ANKRD45: variants seen among roughly 807,000 people sequenced by gnomAD.
ANKRD45 encodes ankyrin repeat domain 45.
A neutral mutation model predicts 28.1 loss-of-function variants in ANKRD45; 21 were observed. The observed-to-expected ratio is 0.75, with a 90% CI of 0.53 to 1.08. The LOEUF is 1.08. Among genes scored for constraint, ANKRD45 ranks in the 50% least tolerant of loss-of-function variants. The probability of loss-of-function intolerance (pLI) is 0.00; values close to 1 mark genes in which losing one functional copy is unlikely to be tolerated. For missense variants in ANKRD45, 261 were observed against 308.7 expected, an observed-to-expected ratio of 0.85 and a Z score of 1.16; for synonymous variants, 86 against 103.9, an observed-to-expected ratio of 0.83 and a Z score of 1.05.
At chr1:173,706,867 C>A in the ANKRD45 span, among the ~76,000 whole-genome samples, 2 of 152,050 alleles carry the variant, frequency 1.3e-5, no homozygotes, top group African/African-American at 2.4e-5. Context: ...TTGCCAAATC[C>A]CCCTCCATAG....
rs952686667 is a variant in ANKRD45 at position 173,608,847 on chromosome 1, G to C, written c.*1298C>G. Among the ~76,000 whole-genome samples, 20 of 117,542 alleles carry C rather than the reference G, an allele frequency of 1.7e-4. No homozygotes were observed. The highest frequency in any genetic ancestry group is 2.5e-4 in the Admixed American group (3 of 12,042). 77.1% of individuals were successfully genotyped at this position (117,542 alleles called of 152,430 possible). ...AGGAGGAGAGAGAAGAGGAGGGGGA[G>C]GGGAGGGGAGAGGAAGGGAGGGGAG... On this transcript the variant is annotated 3_prime_UTR_variant, in exon 6 of 6. Transcript: ENST00000333279.
chr1:173,712,291 A>G, the ANKRD45 span, among the ~76,000 whole-genome samples: 1,888 of 152,308 alleles, frequency 0.012, 38 homozygotes, highest in African/African-American at 0.041. Context: ...AACACTTGTA[A>G]TGGAGAGACA....
At chr1:173,620,033 T>C (rs752340648) in intron 5 of ANKRD45, among the ~76,000 whole-genome samples, 2 of 152,044 alleles carry the variant, frequency 1.3e-5, no homozygotes, top group Non-Finnish European at 2.9e-5. Context: ...ACTGACAATA[T>C]TAAAAAGACC....
chr1:173,696,354 G>A, the ANKRD45 span, among the ~76,000 whole-genome samples: 1 of 152,158 alleles, frequency 6.6e-6, no homozygotes, highest in Non-Finnish European at 1.5e-5. Context: ...TATTTGCCAA[G>A]GCCAGTGTCC....
chr1:173,659,317 GC>G lies in ANKRD45; in HGVS notation c.101del (p.Gly34AlafsTer15). 1 of 1,613,346 alleles carries G rather than the reference GC, an allele frequency of 6.2e-7. No individual in the cohort carries two copies. Among genetic ancestry groups the G allele is most frequent in the Non-Finnish European group, 8.5e-7 (1 of 1,179,692 alleles). Reference protein sequence around the residue: ...EEEAQEPEETGPKNPLLQPAL... With the variant: ...EEEAQEPEETXPKNPLLQPAL... ...CAGGTTGTAAAAGGGGGTTCTTAGG[GC>G]CTGTTTCCTCTGGTTCTTGGGCTTC... On this transcript the variant is annotated frameshift_variant, in exon 2 of 6. Transcript: ENST00000333279. LOFTEE classifies it high-confidence loss of function.
intron 3 of ANKRD45, among the ~76,000 whole-genome samples, chr1:173,639,739 T>C (rs1668622991): frequency 6.6e-6 from 1 of 152,214 alleles, no homozygotes; most frequent in Admixed American, 6.5e-5. Flanking sequence ...ACTCCAATCG[T>C]TTGCCTCAAG....
At chr1:173,682,722 C>CACACAT in the ANKRD45 span, among the ~76,000 whole-genome samples, 5 of 148,800 alleles carry the variant, frequency 3.4e-5, no homozygotes, top group East Asian at 6.0e-4. Flanking sequence ...CACACACACA[C>CACACAT]ATCTTGGATG....
the ANKRD45 span, among the ~76,000 whole-genome samples, chr1:173,688,090 G>C: frequency 6.6e-6 from 1 of 151,936 alleles, no homozygotes; most frequent in Admixed American, 6.6e-5. Flanking sequence ...CGGGTTATTG[G>C]GTTAAGGATT....
At chr1:173,615,108 C>T (rs1208091506) in intron 5 of ANKRD45, among the ~76,000 whole-genome samples, 4 of 152,144 alleles carry the variant, frequency 2.6e-5, no homozygotes, top group Admixed American at 2.0e-4. Flanking sequence ...CGTAAGCCAC[C>T]GCACCCGGCC....
At chr1:173,696,750 T>G in the ANKRD45 span, among the ~76,000 whole-genome samples, 1 of 152,180 alleles carries the variant, frequency 6.6e-6, no homozygotes, top group Non-Finnish European at 1.5e-5. Flanking sequence ...GCTTTTGCTA[T>G]TAGGGCTCTT....
At chr1:173,636,904 CCA>C (rs1668471231) in intron 3 of ANKRD45, 1 of 1,535,712 alleles carries the variant, frequency 6.5e-7, no homozygotes. Flanking sequence ...ACCAAACACT[CCA>C]CAGAGTGGCA....
At chr1:173,687,414 C>A in the ANKRD45 span, among the ~76,000 whole-genome samples, 1 of 150,520 alleles carries the variant, frequency 6.6e-6, no homozygotes, top group South Asian at 2.1e-4. Context: ...TATTTTAGGA[C>A]AAGAATTTAC....
chr1:173,626,635 T>G (rs1486989062), intron 4 of ANKRD45, among the ~76,000 whole-genome samples: 1 of 152,136 alleles, frequency 6.6e-6, no homozygotes, highest in Non-Finnish European at 1.5e-5. Context: ...CCGACTGCCT[T>G]CAAGAGATAA....
intron 5 of ANKRD45, among the ~76,000 whole-genome samples, chr1:173,619,743 G>A (rs1309770319): frequency 1.3e-5 from 2 of 151,430 alleles, no homozygotes; most frequent in South Asian, 2.1e-4. Context: ...CAGAAGAATC[G>A]CTTGAACCCA....
chr1:173,667,705 T>TA, intron 1 of ANKRD45: 1 of 432,776 alleles, frequency 2.3e-6, no homozygotes, highest in South Asian at 1.7e-5. Context: ...AGACCCCATC[T>TA]TAAAAAAAAA....
In ANKRD45 at chr1:173,628,753, T is replaced by G. The variant is rs543779480; in HGVS notation, c.497-1594A>C. On this transcript the variant is annotated intron_variant, in intron 3 of 5. Transcript: ENST00000333279. ...CGCATGCCTGGCTGTATTTGCCAAC[T>G]GCTGATTGTAGACCATTGGGCCTTG... Among the ~76,000 whole-genome samples, 13 of 152,260 alleles carry G rather than the reference T, an allele frequency of 8.5e-5. No individual in the cohort carries two copies. The East Asian group carries it at 2.3e-3, about 27-fold the overall frequency.
At chr1:173,610,540 T>A (rs1399064661) in intron 5 of ANKRD45, among the ~76,000 whole-genome samples, 1 of 152,044 alleles carries the variant, frequency 6.6e-6, no homozygotes, top group Non-Finnish European at 1.5e-5. Flanking sequence ...AGAGGTTCCA[T>A]CAAGATCTAA....
At chr1:173,682,682 A>AAT in the ANKRD45 span, among the ~76,000 whole-genome samples, 1 of 95,250 alleles carries the variant, frequency 1.0e-5, no homozygotes, top group African/African-American at 6.1e-5. Context: ...AGGCCTTTTA[A>AAT]ATACACACAC....
intron 2 of ANKRD45, among the ~76,000 whole-genome samples, chr1:173,648,439 G>A (rs542169824): frequency 9.9e-5 from 15 of 152,098 alleles, no homozygotes; most frequent in African/African-American, 3.4e-4. Flanking sequence ...GTTTTTTCTC[G>A]GAAGCATGCT....
Sources: allele counts gnomAD v4.1 joint callset (sites outside exome capture counted in the v4.1 genomes callset), GRCh38; gene constraint gnomAD v4.1.1; transcripts MANE v1.5; gene names NCBI Gene and HGNC (gene_info 2026-07-23, HGNC 2026-07-21).